XKR9: variants seen among roughly 807,000 people sequenced by gnomAD.
XKR9 encodes XK-related protein 9.
XKR9 carries 32 observed loss-of-function variants against 32.0 expected under a neutral mutation model. The observed-to-expected ratio is 1.00, with a 90% CI of 0.76 to 1.34. XKR9 has a LOEUF of 1.34. Among genes scored for constraint, XKR9 ranks in the 40% most tolerant of loss-of-function variants. The pLI, the probability that XKR9 is intolerant of heterozygous loss-of-function variation, is 0.00. For synonymous variants in XKR9, 168 were observed against 143.4 expected (o/e 1.17, Z -1.22); for missense variants, 546 against 429.7 (o/e 1.27, Z -2.39).
At chr8:70,786,598 T>C (rs1807691897) in intron 2 of XKR9, among the ~76,000 whole-genome samples, 1 of 152,158 alleles carries the variant, frequency 6.6e-6, no homozygotes, top group South Asian at 2.1e-4. Context: ...CTAACACTAC[T>C]CTTTTGGTTT....
At chr8:70,863,337 CA>C in the XKR9 span, among the ~76,000 whole-genome samples, 2 of 152,176 alleles carry the variant, frequency 1.3e-5, no homozygotes, top group African/African-American at 2.4e-5. Flanking sequence ...ACAGAACTTA[CA>C]AAAAATCAGT....
chr8:70,831,958 T>C, the XKR9 span, among the ~76,000 whole-genome samples: 1 of 152,198 alleles, frequency 6.6e-6, no homozygotes, highest in East Asian at 1.9e-4. Context: ...GTTTTTCTTA[T>C]GTGTCTGAGC....
chr8:70,749,488 A>G (rs1302701665), intron 2 of XKR9, among the ~76,000 whole-genome samples: 3 of 152,220 alleles, frequency 2.0e-5, no homozygotes, highest in African/African-American at 7.2e-5. Context: ...AGCAGAAGCT[A>G]CTTGTGGTAC....
the XKR9 span, among the ~76,000 whole-genome samples, chr8:70,861,426 G>T: frequency 6.6e-6 from 1 of 152,030 alleles, no homozygotes; most frequent in South Asian, 2.1e-4. Context: ...TGAGGAAGGA[G>T]GATAGCTTGA....
chr8:70,993,166 AAGTT>A, the XKR9 span, among the ~76,000 whole-genome samples: 10,746 of 152,146 alleles, frequency 0.071, 432 homozygotes, highest in Non-Finnish European at 0.084. Context: ...GTTTAAATAA[AAGTT>A]AGAACCCTAG....
At chr8:70,924,616 C>T in the XKR9 span, among the ~76,000 whole-genome samples, 9 of 152,256 alleles carry the variant, frequency 5.9e-5, no homozygotes, top group Non-Finnish European at 1.2e-4. Flanking sequence ...CCTTTCTCCA[C>T]GTGGCAGATT....
intron 4 of XKR9, among the ~76,000 whole-genome samples, chr8:70,723,302 A>G (rs144510430): frequency 8.6e-4 from 131 of 152,264 alleles, no homozygotes; most frequent in Non-Finnish European, 1.4e-3. Flanking sequence ...ACTTCTGTCA[A>G]TTCGTCAAAC....
intron 2 of XKR9, among the ~76,000 whole-genome samples, chr8:70,746,787 T>A (rs1210977151): frequency 6.6e-6 from 1 of 152,000 alleles, no homozygotes; most frequent in Non-Finnish European, 1.5e-5. Context: ...TTTTTCAGAT[T>A]CAGGAGTATA....
the XKR9 span, among the ~76,000 whole-genome samples, chr8:70,944,728 C>A: frequency 6.6e-6 from 1 of 152,188 alleles, no homozygotes; most frequent in African/African-American, 2.4e-5. Context: ...TTTACTTATA[C>A]AACCTAAGAG....
the XKR9 span, among the ~76,000 whole-genome samples, chr8:70,823,403 G>A: frequency 6.6e-6 from 1 of 152,280 alleles, no homozygotes; most frequent in East Asian, 1.9e-4. Flanking sequence ...CCCACTCACA[G>A]AAGTAGAAGT....
the XKR9 span, among the ~76,000 whole-genome samples, chr8:70,821,949 T>C: frequency 6.6e-6 from 1 of 152,244 alleles, no homozygotes; most frequent in African/African-American, 2.4e-5. Context: ...CTTATGCAAA[T>C]TTCTGCAGCA....
intron 2 of XKR9, among the ~76,000 whole-genome samples, chr8:70,771,471 A>G (rs1318919378): frequency 6.6e-6 from 1 of 152,162 alleles, no homozygotes; most frequent in Non-Finnish European, 1.5e-5. Context: ...TTCTCTTTAT[A>G]TTAATGGGGC....
At position 70,735,006 on chromosome 8, in the gene XKR9, T is replaced by C. The variant is rs1273275444; in HGVS notation, c.*582T>C. 2 of 152,284 alleles carry C rather than the reference T, an allele frequency of 1.3e-5. No homozygotes were observed. Among genetic ancestry groups the C allele is most frequent in the Non-Finnish European group, 2.9e-5 (2 of 68,042 alleles). The allele number at this position is 152,284 out of a possible 1,614,324, so 9.4% of individuals were successfully genotyped here. ...CATTATTTACTTATTTCCTAGCTTT[T>C]CTGAATTAATGCACTCTTAACATAT... On this transcript the variant is annotated 3_prime_UTR_variant, in exon 5 of 5. Coordinates refer to ENST00000408926, the MANE Select transcript of XKR9 (RefSeq NM_001011720.2).
At chr8:70,721,788 G>C (rs774856752) in intron 4 of XKR9, among the ~76,000 whole-genome samples, 17 of 152,178 alleles carry the variant, frequency 1.1e-4, no homozygotes, top group Non-Finnish European at 1.6e-4. Context: ...GTTGATTTGG[G>C]GTGGAGAATT....
At chr8:70,993,636 TCC>T in the XKR9 span, among the ~76,000 whole-genome samples, 1 of 149,716 alleles carries the variant, frequency 6.7e-6, no homozygotes, top group Non-Finnish European at 1.5e-5. Flanking sequence ...CTTCCTTCCT[TCC>T]TTCCTTCCTT....
At chr8:70,875,831 T>C in the XKR9 span, among the ~76,000 whole-genome samples, 8 of 152,144 alleles carry the variant, frequency 5.3e-5, no homozygotes, top group Non-Finnish European at 1.0e-4. Context: ...TATGAGATAG[T>C]CAAGATTTAG....
At chr8:70,727,564 C>T (rs1806515497) in intron 4 of XKR9, among the ~76,000 whole-genome samples, 1 of 152,006 alleles carries the variant, frequency 6.6e-6, no homozygotes, top group Non-Finnish European at 1.5e-5. Context: ...CCACGCCTGG[C>T]TAATTGTTTA....
At chr8:70,785,449 T>A (rs1471718667) in intron 2 of XKR9, among the ~76,000 whole-genome samples, 1 of 151,714 alleles carries the variant, frequency 6.6e-6, no homozygotes, top group Non-Finnish European at 1.5e-5. Context: ...AAAAATCAAC[T>A]CATTTTCATT....
the XKR9 span, among the ~76,000 whole-genome samples, chr8:71,015,502 C>T: frequency 6.6e-6 from 1 of 152,148 alleles, no homozygotes; most frequent in African/African-American, 2.4e-5. Flanking sequence ...AATAGCTCTA[C>T]ATAGCAAAAT....
Sources: gnomAD v4.1 joint callset for allele counts (sites outside exome capture counted in the v4.1 genomes callset) on GRCh38, gnomAD v4.1.1 for gene constraint, MANE v1.5 for transcripts, NCBI Gene and HGNC (gene_info 2026-07-23, HGNC 2026-07-21) for gene names.